Variants in PBX3 observed in about 807,000 individuals in gnomAD.
PBX3 encodes pre-B-cell leukemia transcription factor 3.
Under a neutral mutation model 48.5 loss-of-function variants are expected in PBX3, and 14 were observed. The observed-to-expected ratio is 0.29, with a 90% confidence interval of 0.19 to 0.45. The LOEUF (loss-of-function observed/expected upper bound fraction) is 0.45. Ranked by LOEUF, PBX3 falls within the 20% of genes least tolerant of loss-of-function variation. The pLI is 1.00. For synonymous variants in PBX3, 210 were observed against 200.3 expected, an observed-to-expected ratio of 1.05 and a Z score of -0.41; for missense variants, 386 against 546.7, an observed-to-expected ratio of 0.71 and a Z score of 2.93.
intron 2 of PBX3, among the ~76,000 whole-genome samples, chr9:125,793,366 A>AAATATATATATATATATATATATATAT: frequency 9.8e-6 from 1 of 101,940 alleles, no homozygotes; most frequent in African/African-American, 4.2e-5. Context: ...GGAAAAAAAA[A>AAATATATATATATATATATATATATAT]ATATATATAT....
At chr9:125,946,278 GC>G (rs1164387540) in intron 5 of PBX3, among the ~76,000 whole-genome samples, 3 of 152,020 alleles carry the variant, frequency 2.0e-5, no homozygotes, top group African/African-American at 7.3e-5. Flanking sequence ...AGCATCCTAG[GC>G]TTCAAGTTGT....
chr9:125,935,192 G>A (rs986885365), intron 4 of PBX3, among the ~76,000 whole-genome samples: 1 of 152,086 alleles, frequency 6.6e-6, no homozygotes, highest in African/African-American at 2.4e-5. Flanking sequence ...GTTCTCACTG[G>A]ATCTTCATTG....
chr9:125,798,514 A>AT (rs5900672), intron 2 of PBX3, among the ~76,000 whole-genome samples: 107,947 of 151,880 alleles, frequency 0.71, 38,922 homozygotes, highest in African/African-American at 0.81. Flanking sequence ...AAAGAAAATA[A>AT]TTTTTAGAAT....
At chr9:125,957,337 T>G (rs1274285966) in intron 5 of PBX3, among the ~76,000 whole-genome samples, 1 of 152,186 alleles carries the variant, frequency 6.6e-6, no homozygotes, top group East Asian at 1.9e-4. Flanking sequence ...TTCGGATGAG[T>G]GGCCATTAAT....
In PBX3 at chr9:125,785,493, A is replaced by G. The variant is rs139500548; in HGVS notation, c.274+36870A>G. ...TCGGCCTTTGGACTCTTGGACTTAC[A>G]TCAGTGGTTTCCCAGGGGCTTCTGG... On this transcript the variant is annotated intron_variant, in intron 2 of 8. Transcript: ENST00000373489. 7.9e-5 allele frequency among the ~76,000 whole-genome samples: 12 copies of G among 152,278 alleles called. No homozygotes were observed. In the East Asian group the frequency reaches 2.1e-3, roughly 27 times the overall value.
chr9:125,846,067 T>G (rs1303653762), intron 2 of PBX3, among the ~76,000 whole-genome samples: 1 of 152,112 alleles, frequency 6.6e-6, no homozygotes, highest in Non-Finnish European at 1.5e-5. Context: ...GCCTAAATTA[T>G]GAGATTTATG....
intron 2 of PBX3, among the ~76,000 whole-genome samples, chr9:125,802,212 C>T (rs1435664361): frequency 6.6e-6 from 1 of 152,066 alleles, no homozygotes; most frequent in East Asian, 1.9e-4. Flanking sequence ...GATCTTGTCA[C>T]CCAGGTAGTG....
chr9:125,926,452 G>A (rs112685045), intron 3 of PBX3, among the ~76,000 whole-genome samples: 3 of 152,010 alleles, frequency 2.0e-5, no homozygotes, highest in Non-Finnish European at 2.9e-5. Flanking sequence ...CTCAGAAGGC[G>A]GAGGTTGCAG....
chr9:125,859,799 A>G (rs1839814992), intron 2 of PBX3, among the ~76,000 whole-genome samples: 1 of 152,200 alleles, frequency 6.6e-6, no homozygotes, highest in South Asian at 2.1e-4. Context: ...AGGTTTTGCT[A>G]ATTTCTCTAT....
At chr9:125,883,901 T>G (rs1242709203) in intron 2 of PBX3, among the ~76,000 whole-genome samples, 1 of 152,218 alleles carries the variant, frequency 6.6e-6, no homozygotes, top group Non-Finnish European at 1.5e-5. Flanking sequence ...GCTGTTTTTG[T>G]AAGAGAAGCA....
At chr9:125,942,571 C>CT (rs1276271795) in intron 5 of PBX3, among the ~76,000 whole-genome samples, 2 of 152,150 alleles carry the variant, frequency 1.3e-5, no homozygotes, top group Non-Finnish European at 2.9e-5. Context: ...AATTACAGTA[C>CT]TTTTTTTCAG....
intron 2 of PBX3, among the ~76,000 whole-genome samples, chr9:125,853,234 C>T (rs1839630087): frequency 6.6e-6 from 1 of 152,144 alleles, no homozygotes; most frequent in African/African-American, 2.4e-5. Flanking sequence ...AAAAATAATG[C>T]TGACAAATTA....
At chr9:125,858,478 CGTAA>C (rs1839779023) in intron 2 of PBX3, among the ~76,000 whole-genome samples, 1 of 152,042 alleles carries the variant, frequency 6.6e-6, no homozygotes, top group Non-Finnish European at 1.5e-5. Flanking sequence ...AATGAAATGT[CGTAA>C]GTAATATGAC....
At chr9:125,879,793 T>C (rs1564153570) in intron 2 of PBX3, among the ~76,000 whole-genome samples, 1 of 152,182 alleles carries the variant, frequency 6.6e-6, no homozygotes, top group South Asian at 2.1e-4. Context: ...TTAATACCTT[T>C]TATTATTTAA....
intron 2 of PBX3, among the ~76,000 whole-genome samples, chr9:125,883,141 A>G (rs1840419881): frequency 6.6e-6 from 1 of 152,242 alleles, no homozygotes; most frequent in Non-Finnish European, 1.5e-5. Flanking sequence ...TTTAATATAT[A>G]CAATCATTTA....
intron 2 of PBX3, among the ~76,000 whole-genome samples, chr9:125,786,722 T>G (rs1040329176): frequency 6.6e-6 from 1 of 151,212 alleles, no homozygotes; most frequent in Non-Finnish European, 1.5e-5. Flanking sequence ...GGTAAGTATG[T>G]AGAGATTTTT....
At chr9:125,875,207 C>T (rs1479104807) in intron 2 of PBX3, among the ~76,000 whole-genome samples, 1 of 152,120 alleles carries the variant, frequency 6.6e-6, no homozygotes, top group Non-Finnish European at 1.5e-5. Flanking sequence ...AGTAACTTAC[C>T]AATTCGCATT....
rs1213283690 is a variant in PBX3, at chr9:125,915,876, A to G, written c.465A>G (p.Lys155=). 6.2e-7 allele frequency: 1 copy of G among 1,613,996 alleles called. No homozygotes were observed. The highest frequency in any genetic ancestry group is 8.5e-7 in the Non-Finnish European group (1 of 1,180,000). The change falls in exon 3 of 9, where the codon AAA becomes AAG. Residue 155 remains lysine, a synonymous_variant. Transcript: ENST00000373489. Reference sequence around the variant, plus strand: ...TTGAACACTCAGATTACAGAGCCAAATTGACCCAGATCAGACAAATCTATC... The same window carrying G: ...TTGAACACTCAGATTACAGAGCCAAGTTGACCCAGATCAGACAAATCTATC... ...NSIEHSDYRA[K]LTQIRQIYHT...
intron 2 of PBX3, among the ~76,000 whole-genome samples, chr9:125,824,578 G>T (rs1163445477): frequency 6.6e-6 from 1 of 152,130 alleles, no homozygotes; most frequent in Non-Finnish European, 1.5e-5. Context: ...CTAGTCCTAG[G>T]CCTTCCTAGT....
Sources: gnomAD v4.1 joint callset for allele counts (sites outside exome capture counted in the v4.1 genomes callset) on GRCh38, gnomAD v4.1.1 for gene constraint, MANE v1.5 for transcripts, NCBI Gene and HGNC (gene_info 2026-07-23, HGNC 2026-07-21) for gene names.